Variants in ASPDH observed in about 807,000 individuals in gnomAD.
ASPDH encodes the protein aspartate dehydrogenase domain containing.
In ASPDH, 25 loss-of-function variants were observed where a neutral mutation model predicts 30.5. The observed-to-expected ratio is 0.82, with a 90% CI of 0.60 to 1.14. The LOEUF is 1.14. Ranked by LOEUF, ASPDH falls within the 50% of genes most tolerant of loss-of-function variation. ASPDH has a pLI of 0.00. For missense variants in ASPDH, 401 were observed against 381.5 expected, an observed-to-expected ratio of 1.05 and a Z score of -0.43; for synonymous variants, 168 against 156.3, an observed-to-expected ratio of 1.07 and a Z score of -0.56.
chr19:50,514,725 C>T (rs1223852346), upstream of ASPDH: 52 of 1,329,692 alleles, frequency 3.9e-5, no homozygotes, highest in Middle Eastern at 2.5e-4. Flanking sequence ...ACCTGGTACC[C>T]GCTGCAGTGT....
chr19:50,514,420 C>A (rs1039550564), upstream of ASPDH: 22 of 1,611,520 alleles, frequency 1.4e-5, no homozygotes, highest in Non-Finnish European at 1.7e-5. Flanking sequence ...GGGTCCCCTT[C>A]CCACAGCCTC....
At chr19:50,514,146 G>A (rs942494753), upstream of ASPDH, among the ~76,000 whole-genome samples, 1 of 152,110 alleles carries the variant, frequency 6.6e-6, no homozygotes, top group East Asian at 1.9e-4. Flanking sequence ...GCAGTCCCCT[G>A]CCCCCTCTCT....
In ASPDH at chr19:50,513,432, G is replaced by A; in HGVS notation, c.53-16C>T. On this transcript the variant is annotated splice_polypyrimidine_tract_variant and intron_variant, in intron 1 of 6. Coordinates refer to ENST00000389208, the MANE Select transcript of ASPDH (RefSeq NM_001114598.2). This position sits in a 1 kb window ranked among gnomAD's most constrained non-coding sequence, Gnocchi z 4.9. ...AGGGACTGTCCTGGGGAGAGGGAAA[G>A]GAGAGGGCTAGAGATCCAGAGAGAG... The A allele has an allele frequency of 6.8e-7, 1 of 1,473,868 alleles. No homozygotes were observed. Among genetic ancestry groups the A allele is most frequent in the Non-Finnish European group, 9.0e-7 (1 of 1,111,356 alleles). 91.3% of individuals were successfully genotyped at this position (1,473,868 alleles called of 1,614,324 possible).
Position 50,513,143 on chromosome 19 carries a change from C to T in ASPDH, c.197+129G>A, listed in dbSNP as rs1416848512. ...GGAGGCGAAATGAGATGAATGGGTT[C>T]GTCCTGTTTCACATTTGCTTGAACC... On this transcript the variant is annotated intron_variant, in intron 2 of 6. Coordinates refer to ENST00000389208, the MANE Select transcript of ASPDH (RefSeq NM_001114598.2). This position sits in a 1 kb window ranked among gnomAD's most constrained non-coding sequence, Gnocchi z 4.9. The T allele has an allele frequency of 1.0e-5, 13 of 1,239,168 alleles. No individual in the cohort carries two copies. Among genetic ancestry groups the T allele is most frequent in the South Asian group, 1.5e-5 (1 of 65,126 alleles). The allele number at this position is 1,239,168 out of a possible 1,614,324, so 76.8% of individuals were successfully genotyped here.
Position 50,513,081 on chromosome 19 carries a change from G to A in ASPDH, c.198-70C>T, listed in dbSNP as rs1980060445. ...GCCTCTTCTCCCCAAGGTTCCCTCC[G>A]AGTCTACTGAGGGCTGCCCTTCTTC... On this transcript the variant is annotated intron_variant, in intron 2 of 6. Transcript: ENST00000389208. This position sits in a 1 kb window ranked among gnomAD's most constrained non-coding sequence, Gnocchi z 4.9. 2.2e-6 allele frequency: 3 copies of A among 1,390,552 alleles called. No homozygotes were observed. Among genetic ancestry groups the A allele is most frequent in the Non-Finnish European group, 2.0e-6 (2 of 1,005,932 alleles). 86.1% of individuals were successfully genotyped at this position (1,390,552 alleles called of 1,614,324 possible). A position where few individuals can be genotyped will look rare whatever the true frequency, so the allele number is the denominator to read the frequency against.
chr19:50,513,315 GCACGCTCCCTGCCATTCGTCCTGGGT>G lies in ASPDH; in HGVS notation c.128_153del (p.Asp43AlafsTer18). ...AGGTTCTGGAGCTGCAGGGAAGGGGGCACGCTCCCTGCCATTCGTCCTGGGTCACGATTCCAGACAAAAACAAGTTC... is the reference window on the plus strand; with the variant it reads ...AGGTTCTGGAGCTGCAGGGAAGGGGGCACGATTCCAGACAAAAACAAGTTC... On this transcript the variant is annotated frameshift_variant, in exon 2 of 7. Transcript: ENST00000389208. LOFTEE classifies it high-confidence loss of function. This position sits in a 1 kb window ranked among gnomAD's most constrained non-coding sequence, Gnocchi z 4.9. The G allele has an allele frequency of 2.6e-6, 4 of 1,531,820 alleles. No homozygotes were observed. In the South Asian group the frequency reaches 3.7e-5, roughly 14 times the overall value. The allele number at this position is 1,531,820 out of a possible 1,614,324, so 94.9% of individuals were successfully genotyped here.
Position 50,513,524 on chromosome 19 carries a change from A to AGACC in ASPDH, c.53-109_53-108insGGTC. 5.8e-6 allele frequency: 7 copies of AGACC among 1,204,340 alleles called. No individual in the cohort carries two copies. The highest frequency in any genetic ancestry group is 2.6e-4 in the Middle Eastern group (1 of 3,904). 74.6% of individuals were successfully genotyped at this position (1,204,340 alleles called of 1,614,324 possible). A position where few individuals can be genotyped will look rare whatever the true frequency, so the allele number is the denominator to read the frequency against. ...CCAGAGAGAGAGGAGGTGGGGACAG[A>AGACC]CTCAGATTGCGGGGTAGGGAGACAG... On this transcript the variant is annotated intron_variant, in intron 1 of 6. Transcript: ENST00000389208. This position sits in a 1 kb window ranked among gnomAD's most constrained non-coding sequence, Gnocchi z 4.9.
chr19:50,514,891 AC>A, upstream of ASPDH: 1 of 985,240 alleles, frequency 1.0e-6, no homozygotes, highest in Non-Finnish European at 1.2e-6. Flanking sequence ...AGGGGCCAAG[AC>A]CCCGACGTGG....
rs1980004970 is a variant in ASPDH, at chr19:50,512,555, T to G, written c.458A>C (p.His153Pro). 6.5e-7 allele frequency: 1 copy of G among 1,534,844 alleles called. No homozygotes were observed. Among genetic ancestry groups the G allele is most frequent in the Non-Finnish European group, 8.7e-7 (1 of 1,144,570 alleles). ...TCCCTCAAGCCGGAAGCCATCGGGG[T>G]GTGTGGCCATGGTGACACGAAGGCT... ...LRSLRVTMATHPDGFRLEGPL... is the reference protein window; with the variant it reads ...LRSLRVTMATPPDGFRLEGPL... Residue 153 changes from histidine (H) to proline (P), a missense_variant, in exon 5 of 7, where the codon CAC becomes CCC. Physicochemically the swap from His to Pro is moderately conservative, Grantham distance 77 (BLOSUM62 -2). Transcript: ENST00000389208.
chr19:50,512,871 G>C lies in ASPDH; in HGVS notation c.282+56C>G, dbSNP rs1043921728. 3.1e-6 allele frequency: 5 copies of C among 1,599,636 alleles called. No homozygotes were observed. In the South Asian group the frequency reaches 4.5e-5, roughly 14 times the overall value. ...GGAAGGATATCCACTTCAGGGTGGG[G>C]TGAGACCAAGACAGAAGGGGCAGGG... On this transcript the variant is annotated intron_variant, in intron 3 of 6. Transcript: ENST00000389208.
Position 50,513,098 on chromosome 19 carries a change from C to T in ASPDH, c.198-87G>A. 7.6e-7 allele frequency: 1 copy of T among 1,310,176 alleles called. No individual in the cohort carries two copies. Among genetic ancestry groups the T allele is most frequent in the Non-Finnish European group, 1.1e-6 (1 of 944,664 alleles). The allele number at this position is 1,310,176 out of a possible 1,614,324, so 81.2% of individuals were successfully genotyped here. A position where few individuals can be genotyped will look rare whatever the true frequency, so the allele number is the denominator to read the frequency against. Reference sequence around the variant, plus strand: ...TTCCCTCCGAGTCTACTGAGGGCTGCCCTTCTTCTCCCTGACCTGGGAGGC... The same window carrying T: ...TTCCCTCCGAGTCTACTGAGGGCTGTCCTTCTTCTCCCTGACCTGGGAGGC... On this transcript the variant is annotated intron_variant, in intron 2 of 6. Coordinates refer to ENST00000389208, the MANE Select transcript of ASPDH (RefSeq NM_001114598.2). The surrounding 1 kb of genome is among the most constrained non-coding windows in gnomAD (Gnocchi z 4.9).
Position 50,513,293 on chromosome 19 carries a change from T to C in ASPDH, c.176A>G (p.Asn59Ser). 1 of 1,503,796 alleles carries C rather than the reference T, an allele frequency of 6.6e-7. No individual in the cohort carries two copies. The highest frequency in any genetic ancestry group is 1.3e-5 in the South Asian group (1 of 75,192). 93.2% of individuals were successfully genotyped at this position (1,503,796 alleles called of 1,614,324 possible). Residue 59 changes from asparagine to serine, a missense_variant, in exon 2 of 7, where the codon AAC (asparagine) becomes AGC (serine). By Grantham distance (46) the Asn-to-Ser change is conservative. Coordinates refer to ENST00000389208, the MANE Select transcript of ASPDH (RefSeq NM_001114598.2). This position sits in a 1 kb window ranked among gnomAD's most constrained non-coding sequence, Gnocchi z 4.9. Reference sequence around the variant, plus strand: ...TGACCTTTCCCCAAGGGCAGCAAGGTTCTGGAGCTGCAGGGAAGGGGGCAC... The same window carrying C: ...TGACCTTTCCCCAAGGGCAGCAAGGCTCTGGAGCTGCAGGGAAGGGGGCAC... ...GSVPPSLQLQ[N>S]LAALGERRPD...
rs1167928972 is a variant in ASPDH, at chr19:50,511,735, A to G, written c.847T>C (p.Cys283Arg). ...CTCGGGAGGGAGGAGGCTTCTCAGC[A>G]GAGATGGATCCCCGGCCTGGAGGGG... ...QLPSRPGIHLC is the reference protein window; with the variant it reads ...QLPSRPGIHLR Residue 283 changes from cysteine to arginine, a missense_variant, in exon 7 of 7, where the codon TGC (cysteine) becomes CGC (arginine). Cys to Arg is a radical substitution (Grantham distance 180). Transcript: ENST00000389208. The G allele has an allele frequency of 9.9e-6, 13 of 1,315,128 alleles. No homozygotes were observed. The East Asian group carries it at 2.8e-4, about 28-fold the overall frequency. The allele number at this position is 1,315,128 out of a possible 1,614,324, so 81.5% of individuals were successfully genotyped here. A position where few individuals can be genotyped will look rare whatever the true frequency, so the allele number is the denominator to read the frequency against.
Position 50,512,810 on chromosome 19 carries a change from C to G in ASPDH, c.283G>C (p.Val95Leu), listed in dbSNP as rs1409743520. 1.9e-6 allele frequency: 3 copies of G among 1,598,756 alleles called. No homozygotes were observed. The highest frequency in any genetic ancestry group is 1.3e-5 in the African/African-American group (1 of 74,614). Reference protein sequence around the residue: ...AQILRHANLLVGSPSALSDQT... With the variant: ...AQILRHANLLLGSPSALSDQT... Reference sequence around the variant, plus strand: ...TCACTTAGAGCTGAGGGGGACCCCACCTGGGGTGGATGAAGGAGGGGAGGG... The same window carrying G: ...TCACTTAGAGCTGAGGGGGACCCCAGCTGGGGTGGATGAAGGAGGGGAGGG... Residue 95 changes from valine to leucine, a missense_variant and splice_region_variant, in exon 4 of 7, where the codon GTG (valine) becomes CTG (leucine). Val to Leu is a conservative substitution (Grantham distance 32). Coordinates refer to ENST00000389208, the MANE Select transcript of ASPDH (RefSeq NM_001114598.2).
Position 50,513,446 on chromosome 19 carries a change from A to C in ASPDH, c.53-30T>G, listed in dbSNP as rs1421617333. On this transcript the variant is annotated intron_variant, in intron 1 of 6. Coordinates refer to ENST00000389208, the MANE Select transcript of ASPDH (RefSeq NM_001114598.2). This position sits in a 1 kb window ranked among gnomAD's most constrained non-coding sequence, Gnocchi z 4.9. ...GGAGAGGGAAAGGAGAGGGCTAGAG[A>C]TCCAGAGAGAGGGGGACAGAGACCC... is the stretch of plus-strand genomic sequence containing the variant. 6.9e-7 allele frequency: 1 copy of C among 1,459,282 alleles called. No individual in the cohort carries two copies. The highest frequency in any genetic ancestry group is 9.1e-7 in the Non-Finnish European group (1 of 1,103,100). 90.4% of individuals were successfully genotyped at this position (1,459,282 alleles called of 1,614,324 possible).
chr19:50,515,051 A>T, upstream of ASPDH: 1 of 985,244 alleles, frequency 1.0e-6, no homozygotes, highest in South Asian at 4.7e-5. Flanking sequence ...GCCTCCCGCC[A>T]TCTCTACCTT....
chr19:50,513,075 C>T lies in ASPDH; in HGVS notation c.198-64G>A. 7.0e-7 allele frequency: 1 copy of T among 1,425,700 alleles called. No homozygotes were observed. The highest frequency in any genetic ancestry group is 9.7e-7 in the Non-Finnish European group (1 of 1,036,190). The allele number at this position is 1,425,700 out of a possible 1,614,324, so 88.3% of individuals were successfully genotyped here. A position where few individuals can be genotyped will look rare whatever the true frequency, so the allele number is the denominator to read the frequency against. On this transcript the variant is annotated intron_variant, in intron 2 of 6. Transcript: ENST00000389208. This position sits in a 1 kb window ranked among gnomAD's most constrained non-coding sequence, Gnocchi z 4.9. Reference sequence around the variant, plus strand: ...TATTAGGCCTCTTCTCCCCAAGGTTCCCTCCGAGTCTACTGAGGGCTGCCC... The same window carrying T: ...TATTAGGCCTCTTCTCCCCAAGGTTTCCTCCGAGTCTACTGAGGGCTGCCC...
At position 50,513,384 on chromosome 19, in the gene ASPDH, C is replaced by T. The variant is rs529674868; in HGVS notation, c.85G>A (p.Gly29Arg). ...QSLVSRLLAQ[G>R]PELGLELVFV... ...ACAAGTTCTAGGCCAAGTTCTGGTC[C>T]CTGAGCCAAGAGGCGGGAGACGAGG... The change falls in exon 2 of 7, where the codon GGA becomes AGA. Residue 29 changes from glycine to arginine, a missense_variant. Transcript: ENST00000389208. This position sits in a 1 kb window ranked among gnomAD's most constrained non-coding sequence, Gnocchi z 4.9. 6.5e-7 allele frequency: 1 copy of T among 1,532,160 alleles called. No individual in the cohort carries two copies. Among genetic ancestry groups the T allele is most frequent in the Non-Finnish European group, 8.8e-7 (1 of 1,138,636 alleles). The allele number at this position is 1,532,160 out of a possible 1,614,324, so 94.9% of individuals were successfully genotyped here.
chr19:50,511,919 CAGAGACAG>C, intron 6 of ASPDH, 146 bp from the exon 7 acceptor site: 1 of 500,218 alleles, frequency 2.0e-6, no homozygotes, highest in Non-Finnish European at 3.1e-6. Flanking sequence ...TGGGGGTGGA[CAGAGACAG>C]AGAGAGTCTC....
Sources: allele counts gnomAD v4.1 joint callset (sites outside exome capture counted in the v4.1 genomes callset), GRCh38; gene constraint gnomAD v4.1.1; non-coding constraint Gnocchi (gnomAD v3.1); transcripts MANE v1.5; gene names NCBI Gene and HGNC (gene_info 2026-07-23, HGNC 2026-07-21).